UNC13C: variants seen among roughly 807,000 people sequenced by gnomAD.
The protein encoded by UNC13C is unc-13 homolog C.
Under a neutral mutation model 245.4 loss-of-function variants are expected in UNC13C, and 174 were observed. The ratio of observed to expected loss-of-function variants is 0.71; its 90% CI spans 0.63 to 0.80. The LOEUF (loss-of-function observed/expected upper bound fraction) is 0.80. UNC13C is among the 30% of genes least tolerant of loss of function. The pLI is 0.00. For missense variants in UNC13C, 2,829 were observed against 2,602.9 expected, an observed-to-expected ratio of 1.09 and a Z score of -1.89; for synonymous variants, 992 against 895.1, an observed-to-expected ratio of 1.11 and a Z score of -1.93.
In UNC13C at chr15:54,220,586, TAAAGTA is replaced by T. The variant is rs565661178; in HGVS notation, c.3072-14443_3072-14438del. ...CATTGTGTACATGTACCCTAAAACT[TAAAGTA>T]TAATAATAATAAAAATAAAAAAAAT... On this transcript the variant is annotated intron_variant, in intron 4 of 32. Coordinates refer to ENST00000260323, the MANE Select transcript of UNC13C (RefSeq NM_001080534.3). Among the ~76,000 whole-genome samples the T allele has an allele frequency of 7.4e-3, 1,122 of 150,922 alleles. 16 individuals carry two copies. Among genetic ancestry groups the T allele is most frequent in the African/African-American group, 0.027 (1,089 of 41,068 alleles).
chr15:54,065,909 T>G (rs959214354), intron 2 of UNC13C, among the ~76,000 whole-genome samples: 2 of 152,224 alleles, frequency 1.3e-5, no homozygotes, highest in Admixed American at 6.5e-5. Flanking sequence ...CTGTACTGGC[T>G]AATGGAAAAC....
intron 17 of UNC13C, among the ~76,000 whole-genome samples, chr15:54,352,490 G>T (rs75517394): frequency 1.3e-5 from 2 of 151,656 alleles, no homozygotes; most frequent in South Asian, 2.1e-4. Flanking sequence ...GTGCTGATTA[G>T]ACATAGTCTC....
chr15:54,430,929 C>T lies in UNC13C; in HGVS notation c.4933+15862C>T, dbSNP rs528258269. On this transcript the variant is annotated intron_variant, in intron 19 of 32. Coordinates refer to ENST00000260323, the MANE Select transcript of UNC13C (RefSeq NM_001080534.3). ...CTCCTTAGTGATCCAAGTCTTCCCA[C>T]GGGAAATTTCAGATGTCATGAACCA... is the stretch of plus-strand genomic sequence containing the variant. Among the ~76,000 whole-genome samples the T allele has an allele frequency of 5.9e-5, 9 of 151,772 alleles. No homozygotes were observed. The South Asian group carries it at 1.5e-3, about 24-fold the overall frequency.
intron 13 of UNC13C, 118 bp from the exon 14 acceptor site, chr15:54,321,821 G>A (rs2038167761): frequency 9.3e-7 from 1 of 1,076,716 alleles, no homozygotes; most frequent in Middle Eastern, 2.8e-4. Context: ...AGATTGTGCA[G>A]TTTTCTCTCC....
chr15:54,592,545 T>C (rs1280917003), intron 30 of UNC13C, among the ~76,000 whole-genome samples: 1 of 152,240 alleles, frequency 6.6e-6, no homozygotes, highest in Admixed American at 6.5e-5. Context: ...TACCATTCTA[T>C]ACTGTCCCTT....
intron 10 of UNC13C, among the ~76,000 whole-genome samples, chr15:54,290,487 A>G (rs1470246506): frequency 6.6e-6 from 1 of 152,086 alleles, no homozygotes; most frequent in Non-Finnish European, 1.5e-5. Flanking sequence ...TATACAAGGA[A>G]CATCAGTGGT....
intron 17 of UNC13C, among the ~76,000 whole-genome samples, chr15:54,369,391 A>G (rs1040453536): frequency 6.6e-6 from 1 of 152,154 alleles, no homozygotes; most frequent in Non-Finnish European, 1.5e-5. Context: ...TAACAGCCAC[A>G]TTTACAATTA....
At chr15:54,590,777 C>A (rs1032005370) in intron 30 of UNC13C, among the ~76,000 whole-genome samples, 1 of 152,094 alleles carries the variant, frequency 6.6e-6, no homozygotes, top group South Asian at 2.1e-4. Context: ...ATTTAGATGT[C>A]CTTTATTTCT....
At chr15:54,288,498 T>A (rs2037208125) in intron 10 of UNC13C, among the ~76,000 whole-genome samples, 1 of 152,032 alleles carries the variant, frequency 6.6e-6, no homozygotes, top group Non-Finnish European at 1.5e-5. Context: ...TGGAGTCTTT[T>A]TTTTTTTCTT....
intron 28 of UNC13C, among the ~76,000 whole-genome samples, chr15:54,552,332 T>C: frequency 8.1e-6 from 1 of 122,702 alleles, no homozygotes; most frequent in Admixed American, 1.1e-4. Flanking sequence ...TATAATTATA[T>C]ATTATATACA....
chr15:53,927,885 A>C, the UNC13C span, among the ~76,000 whole-genome samples: 22 of 152,354 alleles, frequency 1.4e-4, no homozygotes, highest in African/African-American at 5.3e-4. Context: ...TAAGAGTAGA[A>C]GAATGAGAAG....
At chr15:54,088,004 G>A (rs1202144735) in intron 2 of UNC13C, among the ~76,000 whole-genome samples, 2 of 151,846 alleles carry the variant, frequency 1.3e-5, no homozygotes, top group African/African-American at 2.4e-5. Context: ...ACATTTGTCT[G>A]TTCTTATTGA....
the UNC13C span, among the ~76,000 whole-genome samples, chr15:53,862,429 C>G: frequency 7.9e-5 from 12 of 152,180 alleles, no homozygotes; most frequent in African/African-American, 2.6e-4. Flanking sequence ...TAATCTTTAA[C>G]TAGAGCCTGG....
intron 10 of UNC13C, among the ~76,000 whole-genome samples, chr15:54,267,660 C>T (rs2036580785): frequency 6.6e-6 from 1 of 151,600 alleles, no homozygotes; most frequent in South Asian, 2.1e-4. Context: ...CTGTGTATAA[C>T]ATATCTCCCC....
At chr15:54,047,145 G>C (rs1390738539) in intron 2 of UNC13C, among the ~76,000 whole-genome samples, 1 of 152,022 alleles carries the variant, frequency 6.6e-6, no homozygotes, top group Non-Finnish European at 1.5e-5. Flanking sequence ...CATTTAAGAA[G>C]ATTTTCACAA....
intron 18 of UNC13C, among the ~76,000 whole-genome samples, chr15:54,407,035 G>T (rs1042622459): frequency 1.3e-5 from 2 of 152,132 alleles, no homozygotes; most frequent in Non-Finnish European, 2.9e-5. Flanking sequence ...AGAAATGAAA[G>T]TTGGGGCCAG....
intron 17 of UNC13C, among the ~76,000 whole-genome samples, chr15:54,362,114 G>T (rs1255144788): frequency 6.6e-6 from 1 of 152,142 alleles, no homozygotes; most frequent in Admixed American, 6.5e-5. Context: ...CTGATTAGAG[G>T]GAAGAATAGC....
intron 17 of UNC13C, among the ~76,000 whole-genome samples, chr15:54,390,645 A>G (rs1021203526): frequency 6.6e-6 from 1 of 152,138 alleles, no homozygotes; most frequent in South Asian, 2.1e-4. Context: ...ATTTCATAAC[A>G]TTATTCATAG....
At chr15:54,583,831 T>A (rs1898322674) in intron 30 of UNC13C, among the ~76,000 whole-genome samples, 1 of 152,186 alleles carries the variant, frequency 6.6e-6, no homozygotes, top group African/African-American at 2.4e-5. Flanking sequence ...ACACAGCTGC[T>A]GACCATGATC....
Sources: allele counts gnomAD v4.1 joint callset (sites outside exome capture counted in the v4.1 genomes callset), GRCh38; gene constraint gnomAD v4.1.1; transcripts MANE v1.5; gene names NCBI Gene and HGNC (gene_info 2026-07-23, HGNC 2026-07-21).